Variants in COL11A1 observed in about 807,000 individuals in gnomAD.
The protein encoded by COL11A1 is collagen type XI alpha 1 chain, also known as collagen alpha-1(XI) chain.
In COL11A1, 74 loss-of-function variants were observed where a neutral mutation model predicts 265.2. The ratio of observed to expected loss-of-function variants is 0.28; its 90% confidence interval spans 0.23 to 0.34. The LOEUF (loss-of-function observed/expected upper bound fraction) is 0.34. Among genes scored for constraint, COL11A1 ranks in the 10% least tolerant of loss-of-function variants. The pLI is 1.00. For missense variants in COL11A1, 2,165 were observed against 2,263.6 expected, an observed-to-expected ratio of 0.96 and a Z score of 0.88; for synonymous variants, 816 against 727.6, an observed-to-expected ratio of 1.12 and a Z score of -1.96.
chr1:103,060,087 T>C (rs529133958), intron 4 of COL11A1, among the ~76,000 whole-genome samples: 1 of 151,998 alleles, frequency 6.6e-6, no homozygotes, highest in Non-Finnish European at 1.5e-5. Flanking sequence ...TAAGATAAAT[T>C]TAAAAATATT....
In COL11A1 at chr1:103,002,801, A is replaced by G. The variant is rs1665243141; in HGVS notation, c.1999-10T>C. Reference sequence around the variant, plus strand: ...CTACACCTGCCATACCCTGCAATGAAGAAAAAGTATTTATGGTTGTTTATA... The same window carrying G: ...CTACACCTGCCATACCCTGCAATGAGGAAAAAGTATTTATGGTTGTTTATA... On this transcript the variant is annotated splice_polypyrimidine_tract_variant and intron_variant, in intron 21 of 66. Transcript: ENST00000370096. 6.2e-7 allele frequency: 1 copy of G among 1,612,504 alleles called. No homozygotes were observed. The highest frequency in any genetic ancestry group is 8.5e-7 in the Non-Finnish European group (1 of 1,178,616).
intron 4 of COL11A1, among the ~76,000 whole-genome samples, chr1:103,064,762 G>A (rs1670960417): frequency 6.6e-6 from 1 of 151,440 alleles, no homozygotes; most frequent in Non-Finnish European, 1.5e-5. Flanking sequence ...GGCGAAAGGG[G>A]CTAAACTGAA....
At chr1:103,006,169 C>T (rs766266511) in intron 16 of COL11A1, 48 bp from the exon 17 acceptor site, 1 of 621,564 alleles carries the variant, frequency 1.6e-6, no homozygotes, top group Non-Finnish European at 2.5e-6. Flanking sequence ...TTATTACTAG[C>T]AAGGAAGTAA....
At chr1:102,918,888 T>C (rs1282863713) in intron 49 of COL11A1, among the ~76,000 whole-genome samples, 2 of 152,022 alleles carry the variant, frequency 1.3e-5, no homozygotes, top group Admixed American at 1.3e-4. Context: ...ACTGAAATAA[T>C]GACAACTTTC....
intron 54 of COL11A1, among the ~76,000 whole-genome samples, chr1:102,901,331 A>C (rs1653175087): frequency 6.6e-6 from 1 of 152,012 alleles, no homozygotes; most frequent in South Asian, 2.1e-4. Context: ...AAAAAAAAAA[A>C]AAAAAACTGA....
At position 103,003,564 on chromosome 1, in the gene COL11A1, C is replaced by A. The variant is rs116296541; in HGVS notation, c.1945-296G>T. Among the ~76,000 whole-genome samples, 1,843 of 152,142 alleles carry A rather than the reference C, an allele frequency of 0.012. 45 individuals are homozygous for A. The highest frequency in any genetic ancestry group is 0.042 in the African/African-American group (1,741 of 41,532). The stretch of plus-strand genomic sequence containing the variant: ...AAACAGTTTAATATTTTCTATAAGA[C>A]ACTTTTGTGTCATTTTTTGATTTCA... On this transcript the variant is annotated intron_variant, in intron 20 of 66. Coordinates refer to ENST00000370096, the MANE Select transcript of COL11A1 (RefSeq NM_001854.4).
At chr1:102,946,299 G>A (rs557196852) in intron 42 of COL11A1, among the ~76,000 whole-genome samples, 1 of 140,726 alleles carries the variant, frequency 7.1e-6, no homozygotes, top group Non-Finnish European at 1.5e-5. Context: ...GCACATTGTG[G>A]ACATGTACCC....
rs1655400449 is a variant in COL11A1, at chr1:102,916,886, A to G, written c.3763-1202T>C. 2.0e-5 allele frequency among the ~76,000 whole-genome samples: 3 copies of G among 151,964 alleles called. No homozygotes were observed. The South Asian group carries it at 6.2e-4, about 31-fold the overall frequency. The stretch of plus-strand genomic sequence containing the variant: ...GTATCATTCATCTCAGTAGAATGTA[A>G]TGATGTTAGTGATGTTTCCAAGGGC... On this transcript the variant is annotated intron_variant, in intron 49 of 66. Coordinates refer to ENST00000370096, the MANE Select transcript of COL11A1 (RefSeq NM_001854.4).
chr1:103,084,595 G>GA (rs34675170), intron 1 of COL11A1, among the ~76,000 whole-genome samples: 7,267 of 135,752 alleles, frequency 0.054, 193 homozygotes, highest in Middle Eastern at 0.11. Context: ...ATGCCATTTA[G>GA]AAAAAAAAAA....
Position 102,970,269 on chromosome 1 carries a change from G to C in COL11A1, c.2812C>G (p.Pro938Ala). 6.2e-7 allele frequency: 1 copy of C among 1,610,466 alleles called. No homozygotes were observed. The highest frequency in any genetic ancestry group is 1.3e-5 in the African/African-American group (1 of 74,932). Residue 938 changes from proline (P) to alanine (A), a missense_variant, in exon 37 of 67, where the codon CCA (proline) becomes GCA (alanine). Coordinates refer to ENST00000370096, the MANE Select transcript of COL11A1 (RefSeq NM_001854.4). The part of the protein sequence containing the change: ...GFPGPKGPPG[P>A]PGKDGLPGHP... ...CCTGGCAGCCCATCCTTCCCAGGTGGTCCCTGAAATTACAAATATTAAATA... is the reference window on the plus strand; with the variant it reads ...CCTGGCAGCCCATCCTTCCCAGGTGCTCCCTGAAATTACAAATATTAAATA...
At chr1:103,080,572 C>A (rs1054938643) in intron 2 of COL11A1, among the ~76,000 whole-genome samples, 1 of 151,724 alleles carries the variant, frequency 6.6e-6, no homozygotes, top group Non-Finnish European at 1.5e-5. Flanking sequence ...GAAAAAAATG[C>A]TCAACATCGT....
intron 37 of COL11A1, among the ~76,000 whole-genome samples, chr1:102,966,366 G>C (rs770501251): frequency 3.3e-5 from 5 of 151,850 alleles, no homozygotes; most frequent in Non-Finnish European, 7.4e-5. Flanking sequence ...AAAATAATAA[G>C]ATTAGAAAAA....
intron 35 of COL11A1, among the ~76,000 whole-genome samples, chr1:102,975,730 G>A (rs1484798962): frequency 6.6e-6 from 1 of 152,042 alleles, no homozygotes; most frequent in Non-Finnish European, 1.5e-5. Flanking sequence ...TAAGTAAAAT[G>A]TCTTAAGTAA....
At chr1:102,935,665 C>G (rs1276963283) in intron 44 of COL11A1, among the ~76,000 whole-genome samples, 1 of 152,146 alleles carries the variant, frequency 6.6e-6, no homozygotes, top group Non-Finnish European at 1.5e-5. Flanking sequence ...CATTATGAGT[C>G]TTACATGCAT....
At position 103,062,698 on chromosome 1, in the gene COL11A1, G is replaced by C. The variant is rs1386136735; in HGVS notation, c.651+11920C>G. On this transcript the variant is annotated intron_variant, in intron 4 of 66. Coordinates refer to ENST00000370096, the MANE Select transcript of COL11A1 (RefSeq NM_001854.4). Reference sequence around the variant, plus strand: ...CTCAAACTGATCAGAAAGAAGGCAAGGATGTCCTCTGTTAATATTGCATTT... The same window carrying C: ...CTCAAACTGATCAGAAAGAAGGCAACGATGTCCTCTGTTAATATTGCATTT... Among the ~76,000 whole-genome samples, 3 of 151,984 alleles carry C rather than the reference G, an allele frequency of 2.0e-5. No individual in the cohort carries two copies. The East Asian group carries it at 5.8e-4, about 29-fold the overall frequency.
intron 41 of COL11A1, among the ~76,000 whole-genome samples, chr1:102,951,222 G>A (rs1038404257): frequency 6.6e-6 from 1 of 151,984 alleles, no homozygotes; most frequent in African/African-American, 2.4e-5. Flanking sequence ...ATAGAACCTT[G>A]GTTTTCTACC....
chr1:102,889,415 T>TG, intron 59 of COL11A1, 40 bp downstream of exon 59: 1 of 771,644 alleles, frequency 1.3e-6, no homozygotes, highest in Non-Finnish European at 2.1e-6. Flanking sequence ...GTGTGTATTA[T>TG]TGGAAATGAG....
chr1:103,050,375 T>C (rs1274745004), intron 4 of COL11A1, among the ~76,000 whole-genome samples: 1 of 152,220 alleles, frequency 6.6e-6, no homozygotes, highest in Non-Finnish European at 1.5e-5. Context: ...TGATACCCTT[T>C]CTTCCAGTTG....
rs752691314 is a variant in COL11A1 at position 102,881,688 on chromosome 1, A to G, written c.5040+9T>C. ...TGAAAAATCGTTTCATGTTGAGGTA[A>G]TAACATACCAGTTTTCCCCTCTTAA... On this transcript the variant is annotated intron_variant, in intron 65 of 66. Coordinates refer to ENST00000370096, the MANE Select transcript of COL11A1 (RefSeq NM_001854.4). 4 of 1,607,160 alleles carry G rather than the reference A, an allele frequency of 2.5e-6. No homozygotes were observed. In the East Asian group the frequency reaches 9.0e-5, roughly 36 times the overall value.
Sources: gnomAD v4.1 joint callset for allele counts (sites outside exome capture counted in the v4.1 genomes callset) on GRCh38, gnomAD v4.1.1 for gene constraint, MANE v1.5 for transcripts, NCBI Gene and HGNC (gene_info 2026-07-23, HGNC 2026-07-21) for gene names.